Variants in PTGR2 observed in about 807,000 individuals in gnomAD.
PTGR2 encodes the protein 15-oxoprostaglandin 13-reductase.
A neutral mutation model predicts 43.4 loss-of-function variants in PTGR2; 32 were observed. The observed-to-expected ratio is 0.74, with a 90% CI of 0.56 to 0.99. The LOEUF (loss-of-function observed/expected upper bound fraction) is 0.99, where lower values mean the gene tolerates loss of function less well. Among genes scored for constraint, PTGR2 ranks in the 50% least tolerant of loss-of-function variants. PTGR2 has a pLI of 0.00. For synonymous variants in PTGR2, 106 were observed against 139.2 expected (o/e 0.76, Z 1.68); for missense variants, 373 against 420.0 (o/e 0.89, Z 0.98).
intron 1 of PTGR2, among the ~76,000 whole-genome samples, chr14:73,855,220 C>G (rs900383468): frequency 6.6e-6 from 1 of 152,026 alleles, no homozygotes; most frequent in Non-Finnish European, 1.5e-5. Context: ...TGAATATGCA[C>G]TAGGTATTAG....
At chr14:73,878,116 A>C (rs908115522) in intron 5 of PTGR2, 2 of 152,228 alleles carry the variant, frequency 1.3e-5, no homozygotes, top group African/African-American at 4.8e-5. Flanking sequence ...ACTGTACTCC[A>C]GCCTGGGTGA....
chr14:73,853,019 C>T (rs1256787228), intron 1 of PTGR2, among the ~76,000 whole-genome samples: 1 of 151,886 alleles, frequency 6.6e-6, no homozygotes, highest in African/African-American at 2.4e-5. Context: ...CGGGGTTTTC[C>T]CATGTTGGCC....
intron 3 of PTGR2, among the ~76,000 whole-genome samples, chr14:73,869,760 T>C (rs1255983475): frequency 6.6e-6 from 1 of 151,518 alleles, no homozygotes; most frequent in Non-Finnish European, 1.5e-5. Flanking sequence ...GCGAGGTGGC[T>C]CATGCTGGTA....
chr14:73,880,399 C>T, intron 7 of PTGR2: 1 of 424,496 alleles, frequency 2.4e-6, no homozygotes, highest in Non-Finnish European at 4.3e-6. Context: ...ATGGTGAAAC[C>T]CCTTCTCTAC....
Position 73,879,117 on chromosome 14 carries a change from T to G in PTGR2, c.541T>G (p.Ser181Ala). 1 of 1,614,152 alleles carries G rather than the reference T, an allele frequency of 6.2e-7. No homozygotes were observed. The highest frequency in any genetic ancestry group is 8.5e-7 in the Non-Finnish European group (1 of 1,180,024). The change falls in exon 6 of 10, where the codon TCC (serine) becomes GCC (alanine). Residue 181 changes from serine (S) to alanine (A), a missense_variant. Ser to Ala is a moderately conservative substitution (Grantham distance 99). Coordinates refer to ENST00000555661, the MANE Select transcript of PTGR2 (RefSeq NM_001146154.2). Reference protein sequence around the residue: ...AGQIGHFLGCSRVVGICGTHE... With the variant: ...AGQIGHFLGCARVVGICGTHE... Reference sequence around the variant, plus strand: ...CTAGATTGGCCATTTCTTAGGTTGTTCCAGAGTGGTGGGAATTTGTGGAAC... The same window carrying G: ...CTAGATTGGCCATTTCTTAGGTTGTGCCAGAGTGGTGGGAATTTGTGGAAC...
intron 3 of PTGR2, among the ~76,000 whole-genome samples, chr14:73,862,568 GC>G (rs1475039360): frequency 6.6e-6 from 1 of 152,104 alleles, no homozygotes; most frequent in East Asian, 1.9e-4. Context: ...GTGAAAGAGT[GC>G]CCGTACAAAG....
intron 1 of PTGR2, among the ~76,000 whole-genome samples, chr14:73,852,824 G>A (rs532381590): frequency 2.8e-4 from 43 of 151,894 alleles, no homozygotes; most frequent in African/African-American, 9.7e-4. Flanking sequence ...AAAGACACGT[G>A]GTTTGTTTGT....
intron 1 of PTGR2, among the ~76,000 whole-genome samples, chr14:73,854,920 C>T (rs1425245520): frequency 6.6e-6 from 1 of 152,162 alleles, no homozygotes; most frequent in Non-Finnish European, 1.5e-5. Flanking sequence ...AACTAGCAGT[C>T]ATGGATAAGG....
intron 5 of PTGR2, 57 bp downstream of exon 5, chr14:73,877,225 T>C: frequency 6.8e-7 from 1 of 1,464,410 alleles, no homozygotes; most frequent in Non-Finnish European, 9.4e-7. Context: ...TTATAATTCT[T>C]AATTGAAATT....
intron 3 of PTGR2, among the ~76,000 whole-genome samples, chr14:73,864,933 T>C (rs905543854): frequency 2.6e-5 from 4 of 152,234 alleles, no homozygotes; most frequent in African/African-American, 9.6e-5. Flanking sequence ...TTTATAGTTT[T>C]GCTCTAACAT....
chr14:73,879,444 G>C, intron 6 of PTGR2, 139 bp downstream of exon 6: 1 of 742,502 alleles, frequency 1.3e-6, no homozygotes, highest in South Asian at 2.0e-5. Context: ...TTGTATTTAA[G>C]TGATACAAAA....
At chr14:73,879,873 C>T (rs1688012953) in intron 6 of PTGR2, 182 bp from the exon 7 acceptor site, 3 of 535,206 alleles carry the variant, frequency 5.6e-6, no homozygotes, top group East Asian at 3.2e-5. Flanking sequence ...CCTTGGTGTT[C>T]CTTTGGAATG....
chr14:73,857,829 T>C (rs141826988), intron 1 of PTGR2, among the ~76,000 whole-genome samples: 4,885 of 151,552 alleles, frequency 0.032, 309 homozygotes, highest in African/African-American at 0.11. Context: ...CTACCACGCC[T>C]GGCTTATTTT....
intron 1 of PTGR2, among the ~76,000 whole-genome samples, chr14:73,857,749 A>G (rs2054392492): frequency 7.6e-6 from 1 of 131,780 alleles, no homozygotes; most frequent in African/African-American, 2.9e-5. Context: ...GCTCACTGCA[A>G]GCTCCGCCTC....
At chr14:73,856,065 A>G (rs1226525336) in intron 1 of PTGR2, among the ~76,000 whole-genome samples, 3 of 151,296 alleles carry the variant, frequency 2.0e-5, no homozygotes, top group African/African-American at 7.3e-5. Flanking sequence ...CAAAAAAAAA[A>G]GAAAGAAATT....
intron 3 of PTGR2, among the ~76,000 whole-genome samples, chr14:73,872,328 T>C (rs1450459232): frequency 2.6e-5 from 4 of 152,206 alleles, no homozygotes; most frequent in African/African-American, 9.6e-5. Context: ...TTGGGTTATT[T>C]CCACTGGGGA....
At chr14:73,863,275 A>G (rs1319304441) in intron 3 of PTGR2, among the ~76,000 whole-genome samples, 3 of 152,092 alleles carry the variant, frequency 2.0e-5, no homozygotes, top group Non-Finnish European at 4.4e-5. Flanking sequence ...TATTCTGGCC[A>G]TTTCATATAA....
chr14:73,880,061 G>C lies in PTGR2; in HGVS notation c.736G>C (p.Glu246Gln). Residue 246 changes from glutamate to glutamine, a missense_variant, in exon 7 of 10, where the codon GAG (glutamate) becomes CAG (glutamine). By Grantham distance (29) the Glu-to-Gln change is conservative (BLOSUM62 2). Transcript: ENST00000555661. ...ATTATTTTTCTCTGTGCAGATGAATGAGAACAGCCACATCATCCTGTGTGG... is the reference window on the plus strand; with the variant it reads ...ATTATTTTTCTCTGTGCAGATGAATCAGAACAGCCACATCATCCTGTGTGG... ...ISDTVISQMNENSHIILCGQI... is the reference protein window; with the variant it reads ...ISDTVISQMNQNSHIILCGQI... 6.2e-7 allele frequency: 1 copy of C among 1,613,744 alleles called. No individual in the cohort carries two copies. The highest frequency in any genetic ancestry group is 8.5e-7 in the Non-Finnish European group (1 of 1,179,746).
In PTGR2 at chr14:73,884,351, G is replaced by A; in HGVS notation, c.*174G>A. 4.5e-6 allele frequency: 2 copies of A among 442,080 alleles called. No homozygotes were observed. The highest frequency in any genetic ancestry group is 7.8e-6 in the Non-Finnish European group (2 of 254,828). 27.4% of individuals were successfully genotyped at this position (442,080 alleles called of 1,614,324 possible). ...AATCATTAATGGATCATACACAATA[G>A]GTTTTTAAAAATTAATAACTTTTAG... On this transcript the variant is annotated 3_prime_UTR_variant, in exon 10 of 10. Coordinates refer to ENST00000555661, the MANE Select transcript of PTGR2 (RefSeq NM_001146154.2).
Sources: allele counts gnomAD v4.1 joint callset (sites outside exome capture counted in the v4.1 genomes callset), GRCh38; gene constraint gnomAD v4.1.1; transcripts MANE v1.5; gene names NCBI Gene and HGNC (gene_info 2026-07-23, HGNC 2026-07-21).